Variants in GALNT9 observed in about 807,000 individuals in gnomAD.
GALNT9 encodes the protein polypeptide N-acetylgalactosaminyltransferase 9, also known as GalNAc transferase 9.
In GALNT9, 47 loss-of-function variants were observed where a neutral mutation model predicts 63.1. The ratio of observed to expected loss-of-function variants is 0.75; its 90% CI spans 0.59 to 0.95. GALNT9 has a LOEUF of 0.95. Among genes scored for constraint, GALNT9 ranks in the 40% least tolerant of loss-of-function variants. The pLI is 0.00. For synonymous variants in GALNT9, 396 were observed against 365.7 expected (o/e 1.08, Z -0.94); for missense variants, 829 against 874.8 (o/e 0.95, Z 0.66).
At chr12:132,258,862 C>A (rs1355990870) in intron 4 of GALNT9, among the ~76,000 whole-genome samples, 1 of 152,226 alleles carries the variant, frequency 6.6e-6, no homozygotes, top group Admixed American at 6.5e-5. Flanking sequence ...CGCTGGAGAC[C>A]CACAGGGCCA....
chr12:132,215,141 G>A (rs1163816724), intron 6 of GALNT9, among the ~76,000 whole-genome samples: 1 of 152,198 alleles, frequency 6.6e-6, no homozygotes, highest in African/African-American at 2.4e-5. Flanking sequence ...CCGGGTCTCC[G>A]CAGCTCTGGG....
At chr12:132,304,710 T>C (rs1398076074) in intron 1 of GALNT9, among the ~76,000 whole-genome samples, 49 of 5,922 alleles carry the variant, frequency 8.3e-3, no homozygotes, top group East Asian at 0.05. Flanking sequence ...CACCCTCACC[T>C]GGGCACAGCC....
Position 132,252,007 on chromosome 12 carries a change from A to G in GALNT9, c.960-3980T>C, listed in dbSNP as rs1555238625. Among the ~76,000 whole-genome samples, 1 of 152,120 alleles carries G rather than the reference A, an allele frequency of 6.6e-6. No individual in the cohort carries two copies. Among genetic ancestry groups the G allele is most frequent in the African/African-American group, 2.4e-5 (1 of 41,416 alleles). On this transcript the variant is annotated intron_variant, in intron 5 of 10. Transcript: ENST00000328957. This position sits in a 1 kb window ranked among gnomAD's most constrained non-coding sequence, Gnocchi z 5.2. ...GCCGTTCTCCCACCTTGCTCACGTG[A>G]TGGGGGTGCCGGATCTTAACTGGGA... is the stretch of plus-strand genomic sequence containing the variant.
At chr12:132,269,388 C>T (rs1208346840) in intron 2 of GALNT9, among the ~76,000 whole-genome samples, 6 of 152,178 alleles carry the variant, frequency 3.9e-5, no homozygotes, top group African/African-American at 9.6e-5. Flanking sequence ...GACCGCCAGG[C>T]GGAGCAGAGG....
rs988675960 is a variant in GALNT9 at position 132,305,985 on chromosome 12, C to T, written c.239-19555G>A. On this transcript the variant is annotated intron_variant, in intron 1 of 10. Transcript: ENST00000328957. ...AGTGGCACCTGGGCCGGGGGGCTCA[C>T]GGCGGGGCCCACCCTCAGGACAGGG... Among the ~76,000 whole-genome samples the T allele has an allele frequency of 1.4e-4, 21 of 152,188 alleles. No homozygotes were observed. The East Asian group carries it at 3.3e-3, about 24-fold the overall frequency.
At chr12:132,288,420 C>G (rs1880684743) in intron 1 of GALNT9, among the ~76,000 whole-genome samples, 1 of 152,380 alleles carries the variant, frequency 6.6e-6, no homozygotes, top group African/African-American at 2.4e-5. Context: ...AATACGTAAT[C>G]ATGCTATTTT....
rs1211653583 is a variant in GALNT9 at position 132,246,066 on chromosome 12, TCTC to T, written c.1077+1841_1077+1843del. Among the ~76,000 whole-genome samples, 2 of 152,076 alleles carry T rather than the reference TCTC, an allele frequency of 1.3e-5. No individual in the cohort carries two copies. The highest frequency in any genetic ancestry group is 2.9e-5 in the Non-Finnish European group (2 of 68,024). ...CTTAGGCCCCTGACTGCTGGCCTGGTCTCCTGCCCCACAGGGTGAGCATCAGGG... is the reference window on the plus strand; with the variant it reads ...CTTAGGCCCCTGACTGCTGGCCTGGTCTGCCCCACAGGGTGAGCATCAGGG... On this transcript the variant is annotated intron_variant, in intron 6 of 10. Coordinates refer to ENST00000328957, the MANE Select transcript of GALNT9 (RefSeq NM_001122636.2). This position sits in a 1 kb window ranked among gnomAD's most constrained non-coding sequence, Gnocchi z 4.7.
intron 6 of GALNT9, among the ~76,000 whole-genome samples, chr12:132,230,650 C>T (rs1877855805): frequency 6.6e-6 from 1 of 152,224 alleles, no homozygotes; most frequent in African/African-American, 2.4e-5. Flanking sequence ...CGGGCAGGAC[C>T]CCTTCCCCGC....
chr12:132,230,897 C>G (rs902070455), intron 6 of GALNT9, among the ~76,000 whole-genome samples: 3 of 152,238 alleles, frequency 2.0e-5, no homozygotes, highest in African/African-American at 4.8e-5. Flanking sequence ...CCATTCGGGA[C>G]GTCTTGGTGA....
Position 132,235,522 on chromosome 12 carries a change from C to T in GALNT9, c.1077+12388G>A, listed in dbSNP as rs1011533403. Among the ~76,000 whole-genome samples, 9 of 152,032 alleles carry T rather than the reference C, an allele frequency of 5.9e-5. No individual in the cohort carries two copies. In the East Asian group the frequency reaches 1.2e-3, roughly 20 times the overall value. On this transcript the variant is annotated intron_variant, in intron 6 of 10. Coordinates refer to ENST00000328957, the MANE Select transcript of GALNT9 (RefSeq NM_001122636.2). ...CAGCTCGGAGGTGGGGAAAGGTACC[C>T]GACCTCTTTCCAAACCCCCTTGAAG... is the stretch of plus-strand genomic sequence containing the variant.
In GALNT9 at chr12:132,319,567, C is replaced by T. The variant is rs557297473; in HGVS notation, c.238+9399G>A. Among the ~76,000 whole-genome samples, 2 of 152,312 alleles carry T rather than the reference C, an allele frequency of 1.3e-5. No individual in the cohort carries two copies. Among genetic ancestry groups the T allele is most frequent in the South Asian group, 2.1e-4 (1 of 4,828 alleles). ...CACAGTCACGGGAGCCAATCCTCAC[C>T]CTACATCTCCTCTTGGGTCTCTCTC... On this transcript the variant is annotated intron_variant, in intron 1 of 10. Transcript: ENST00000328957. This position sits in a 1 kb window ranked among gnomAD's most constrained non-coding sequence, Gnocchi z 5.2.
intron 6 of GALNT9, among the ~76,000 whole-genome samples, chr12:132,222,971 GCACCCCACACAACCCA>G (rs1877521698): frequency 4.5e-5 from 3 of 67,124 alleles, no homozygotes; most frequent in African/African-American, 6.2e-5. Flanking sequence ...CACACAACCC[GCACCCCACACAACCCA>G]CACCCCACAT....
chr12:132,308,626 G>A (rs1881698786), intron 1 of GALNT9, among the ~76,000 whole-genome samples: 1 of 152,204 alleles, frequency 6.6e-6, no homozygotes, highest in Admixed American at 6.5e-5. Context: ...GCTTTCCCAG[G>A]CCAGGGCTGA....
intron 6 of GALNT9, among the ~76,000 whole-genome samples, chr12:132,222,910 A>G (rs1877511490): frequency 7.1e-4 from 11 of 15,502 alleles, no homozygotes; most frequent in Non-Finnish European, 1.3e-3. Context: ...CCCACACCCC[A>G]CATACATCCC....
rs981033814 is a variant in GALNT9, at chr12:132,310,720, G to A, written c.238+18246C>T. 1.1e-4 allele frequency among the ~76,000 whole-genome samples: 16 copies of A among 152,268 alleles called. No individual in the cohort carries two copies. The highest frequency in any genetic ancestry group is 3.6e-4 in the African/African-American group (15 of 41,538). Reference sequence around the variant, plus strand: ...GAGGAAACAGCACAAATTGAGAGGCGGCCGGGCACAAGATAATCGGGGAGG... The same window carrying A: ...GAGGAAACAGCACAAATTGAGAGGCAGCCGGGCACAAGATAATCGGGGAGG... On this transcript the variant is annotated intron_variant, in intron 1 of 10. Coordinates refer to ENST00000328957, the MANE Select transcript of GALNT9 (RefSeq NM_001122636.2). The surrounding 1 kb of genome is among the most constrained non-coding windows in gnomAD (Gnocchi z 4.8).
chr12:132,275,558 A>C (rs1467429013), intron 2 of GALNT9: 2 of 152,246 alleles, frequency 1.3e-5, no homozygotes, highest in Admixed American at 1.3e-4. Flanking sequence ...TTGTCATTGC[A>C]GGGACACTTC....
intron 2 of GALNT9, chr12:132,274,406 C>T (rs1258958848): frequency 6.6e-6 from 1 of 152,454 alleles, no homozygotes; most frequent in Non-Finnish European, 1.5e-5. Flanking sequence ...CGTAAAATCC[C>T]ACCAGAGCCC....
chr12:132,218,235 C>A (rs1215289395), intron 6 of GALNT9, among the ~76,000 whole-genome samples: 2 of 152,182 alleles, frequency 1.3e-5, no homozygotes, highest in African/African-American at 4.8e-5. Flanking sequence ...ATGAGGAAAA[C>A]AACCTTAGAG....
intron 4 of GALNT9, among the ~76,000 whole-genome samples, chr12:132,259,344 T>C (rs1183964136): frequency 1.3e-5 from 2 of 152,226 alleles, no homozygotes; most frequent in African/African-American, 4.8e-5. Flanking sequence ...ACTAAAAGGC[T>C]GCCGGTGTAG....
Sources: allele counts gnomAD v4.1 joint callset (sites outside exome capture counted in the v4.1 genomes callset), GRCh38; gene constraint gnomAD v4.1.1; non-coding constraint Gnocchi (gnomAD v3.1); transcripts MANE v1.5; gene names NCBI Gene and HGNC (gene_info 2026-07-23, HGNC 2026-07-21).